The following LOXL2 variants were observed in gnomAD, a reference collection of about 807,000 sequenced individuals.
LOXL2 encodes the protein lysyl oxidase homolog 2.
LOXL2 carries 70 observed loss-of-function variants against 93.0 expected under a neutral mutation model. That is an observed-to-expected ratio of 0.75 (90% CI 0.62 to 0.92). The LOEUF (loss-of-function observed/expected upper bound fraction) is 0.92. Among genes scored for constraint, LOXL2 ranks in the 40% least tolerant of loss-of-function variants. LOXL2 has a pLI of 0.00. For synonymous variants in LOXL2, 438 were observed against 413.2 expected (o/e 1.06, Z -0.73); for missense variants, 973 against 1,054.9 (o/e 0.92, Z 1.08).
intron 3 of LOXL2, among the ~76,000 whole-genome samples, chr8:23,358,452 G>A (rs1804233051): frequency 2.0e-5 from 3 of 152,228 alleles, no homozygotes; most frequent in Admixed American, 6.5e-5. Context: ...GCAATTTCAA[G>A]TCACCTTTCT....
Position 23,368,105 on chromosome 8 carries a change from C to T in LOXL2, c.247G>A (p.Val83Met), listed in dbSNP as rs142012321. 7.5e-5 allele frequency: 121 copies of T among 1,614,112 alleles called. 1 individual carries two copies. The highest frequency in any genetic ancestry group is 5.5e-4 in the South Asian group (50 of 91,092). The change falls in exon 2 of 14, where the codon GTG (valine) becomes ATG (methionine). Residue 83 changes from valine to methionine, a missense_variant. Val to Met is a conservative substitution (Grantham distance 21, BLOSUM62 1). Transcript: ENST00000389131. ...TGGATGGAGAAGTCGTCATCGCACA[C>T]GGTGCCCCACTGGCCATCATAGTAC... ...EVYYDGQWGT[V>M]CDDDFSIHAA...
rs1306321646 is a variant in LOXL2 at position 23,297,857 on chromosome 8, C to G, written c.*186G>C. ...TTCTCAGGCCCCAAGGGTCAGGTAGCAGCCCCCCATGAATGATGGGAGGGT... is the reference window on the plus strand; with the variant it reads ...TTCTCAGGCCCCAAGGGTCAGGTAGGAGCCCCCCATGAATGATGGGAGGGT... On this transcript the variant is annotated 3_prime_UTR_variant, in exon 14 of 14. Transcript: ENST00000389131. 1.8e-6 allele frequency: 1 copy of G among 564,446 alleles called. No individual in the cohort carries two copies. The highest frequency in any genetic ancestry group is 1.9e-5 in the African/African-American group (1 of 53,040). The allele number at this position is 564,446 out of a possible 1,614,324, so 35.0% of individuals were successfully genotyped here. A position where few individuals can be genotyped will look rare whatever the true frequency, so the allele number is the denominator to read the frequency against.
At chr8:23,324,664 A>G (rs1359079521) in intron 6 of LOXL2, among the ~76,000 whole-genome samples, 1 of 152,144 alleles carries the variant, frequency 6.6e-6, no homozygotes, top group East Asian at 1.9e-4. Context: ...GTTCTTCTCC[A>G]CATACAAACC....
At position 23,303,401 on chromosome 8, in the gene LOXL2, G is replaced by A. The variant is rs533423518; in HGVS notation, c.1881-4C>T. ...CACCTCCATGCTGTGGTAGTGCCTG[G>A]AGCGAGAGAGAGATGGCCTGGAGGT... On this transcript the variant is annotated splice_region_variant and splice_polypyrimidine_tract_variant and intron_variant, in intron 10 of 13. Coordinates refer to ENST00000389131, the MANE Select transcript of LOXL2 (RefSeq NM_002318.3). 1.2e-5 allele frequency: 18 copies of A among 1,545,556 alleles called. No homozygotes were observed. Among genetic ancestry groups the A allele is most frequent in the African/African-American group, 1.1e-4 (8 of 73,726 alleles).
intron 2 of LOXL2, chr8:23,365,465 G>A (rs1804383222): frequency 6.6e-6 from 1 of 150,822 alleles, no homozygotes; most frequent in Admixed American, 6.6e-5. Context: ...CATAAACGAA[G>A]CACCACTTCA....
rs1803667290 is a variant in LOXL2 at position 23,331,043 on chromosome 8, TCA to T, written c.966+2356_966+2357del. On this transcript the variant is annotated intron_variant, in intron 5 of 13. Coordinates refer to ENST00000389131, the MANE Select transcript of LOXL2 (RefSeq NM_002318.3). Reference sequence around the variant, plus strand: ...GCATTTCACTCCTCTCACTGAAGGCTCAGTCTTTTGTTCAAATCTCCACCAAG... The same window carrying T: ...GCATTTCACTCCTCTCACTGAAGGCTGTCTTTTGTTCAAATCTCCACCAAG... Among the ~76,000 whole-genome samples the T allele has an allele frequency of 2.6e-5, 4 of 152,112 alleles. No individual in the cohort carries two copies. In the East Asian group the frequency reaches 7.7e-4, roughly 29 times the overall value.
At chr8:23,306,135 G>A (rs1409160166) in intron 10 of LOXL2, among the ~76,000 whole-genome samples, 1 of 152,146 alleles carries the variant, frequency 6.6e-6, no homozygotes, top group African/African-American at 2.4e-5. Context: ...TTAAGACATG[G>A]CACTCGTCAA....
intron 9 of LOXL2, among the ~76,000 whole-genome samples, chr8:23,313,823 G>A (rs574197179): frequency 0.019 from 2,845 of 151,852 alleles, 85 homozygotes; most frequent in African/African-American, 0.066. Context: ...AAAGAGCTCT[G>A]CACAGCAAAA....
At position 23,300,059 on chromosome 8, in the gene LOXL2, G is replaced by A. The variant is rs1303236639; in HGVS notation, c.2134-1112C>T. Reference sequence around the variant, plus strand: ...CATTCTAGCTGCCCCCTCGTTCCTGGCCCACACATGGCATGGGGCAAACAC... The same window carrying A: ...CATTCTAGCTGCCCCCTCGTTCCTGACCCACACATGGCATGGGGCAAACAC... On this transcript the variant is annotated intron_variant, in intron 12 of 13. Transcript: ENST00000389131. Among the ~76,000 whole-genome samples, 9 of 152,322 alleles carry A rather than the reference G, an allele frequency of 5.9e-5. No homozygotes were observed. The East Asian group carries it at 1.5e-3, about 26-fold the overall frequency.
Position 23,311,723 on chromosome 8 carries a change from G to A in LOXL2, c.1637-1812C>T, listed in dbSNP as rs540911935. Reference sequence around the variant, plus strand: ...CGAGTATTACGATGCTCTGTGCTAGGTTCTCTGGACAGAGCTGAGCAAGGC... The same window carrying A: ...CGAGTATTACGATGCTCTGTGCTAGATTCTCTGGACAGAGCTGAGCAAGGC... On this transcript the variant is annotated intron_variant, in intron 9 of 13. Transcript: ENST00000389131. Among the ~76,000 whole-genome samples the A allele has an allele frequency of 3.7e-3, 560 of 152,298 alleles. 5 individuals are homozygous for A. Among genetic ancestry groups the A allele is most frequent in the African/African-American group, 0.013 (524 of 41,564 alleles).
intron 3 of LOXL2, among the ~76,000 whole-genome samples, chr8:23,348,710 TA>T (rs1197577574): frequency 6.6e-6 from 1 of 151,968 alleles, no homozygotes; most frequent in Non-Finnish European, 1.5e-5. Flanking sequence ...ACCCCGTCTC[TA>T]CTAAAAATAC....
chr8:23,343,333 A>G (rs1803916550), intron 3 of LOXL2, among the ~76,000 whole-genome samples: 1 of 152,180 alleles, frequency 6.6e-6, no homozygotes, highest in Non-Finnish European at 1.5e-5. Flanking sequence ...GGTGGTTGAT[A>G]GCTACTGCCA....
chr8:23,337,243 C>T, intron 4 of LOXL2: 1 of 152,954 alleles, frequency 6.5e-6, no homozygotes, highest in Non-Finnish European at 1.5e-5. Flanking sequence ...AGTACTACAG[C>T]CACGGGGCCC....
At chr8:23,372,008 T>C (rs1017333796) in intron 1 of LOXL2, among the ~76,000 whole-genome samples, 2 of 151,944 alleles carry the variant, frequency 1.3e-5, no homozygotes, top group East Asian at 3.9e-4. Context: ...GGAGAAATGG[T>C]AGAATTAAAA....
chr8:23,303,242 T>G (rs762505649), intron 11 of LOXL2, 40 bp downstream of exon 11: 2 of 1,262,534 alleles, frequency 1.6e-6, no homozygotes, highest in African/African-American at 2.9e-5. Context: ...GGCATTCGAG[T>G]CCCTCTGAGG....
chr8:23,401,075 C>G (rs924840629), intron 1 of LOXL2, among the ~76,000 whole-genome samples: 1 of 152,174 alleles, frequency 6.6e-6, no homozygotes, highest in Non-Finnish European at 1.5e-5. Context: ...ACCACCGAAG[C>G]CCAGCCATGA....
intron 3 of LOXL2, among the ~76,000 whole-genome samples, chr8:23,344,450 T>G (rs1306013090): frequency 6.6e-6 from 1 of 151,578 alleles, no homozygotes; most frequent in Non-Finnish European, 1.5e-5. Flanking sequence ...ATGGTCTGTG[T>G]GTGGTGTGTA....
chr8:23,388,623 TCACA>T (rs10522826), intron 1 of LOXL2, among the ~76,000 whole-genome samples: 12,739 of 142,622 alleles, frequency 0.089, 638 homozygotes, highest in South Asian at 0.13. Context: ...AAAAATATAC[TCACA>T]CACACACACA....
Position 23,368,320 on chromosome 8 carries a change from C to T in LOXL2, c.32G>A (p.Ser11Asn). The change falls in exon 2 of 14, where the codon AGC (serine) becomes AAC (asparagine). Residue 11 changes from serine (S) to asparagine (N), a missense_variant. Physicochemically the swap from Ser to Asn is conservative, Grantham distance 46. Coordinates refer to ENST00000389131, the MANE Select transcript of LOXL2 (RefSeq NM_002318.3). The stretch of plus-strand genomic sequence containing the variant: ...CAGGAGGGCCAGCATAGCCAGGCAG[C>T]TGCAGAGGTGGGAGCACAGAGGCCT... The part of the protein sequence containing the change: MERPLCSHLC[S>N]CLAMLALLSP... 1 of 1,612,880 alleles carries T rather than the reference C, an allele frequency of 6.2e-7. No homozygotes were observed. Among genetic ancestry groups the T allele is most frequent in the Non-Finnish European group, 8.5e-7 (1 of 1,180,024 alleles).
Sources: gnomAD v4.1 joint callset for allele counts (sites outside exome capture counted in the v4.1 genomes callset) on GRCh38, gnomAD v4.1.1 for gene constraint, MANE v1.5 for transcripts, NCBI Gene and HGNC (gene_info 2026-07-23, HGNC 2026-07-21) for gene names.